SPATA2: variants seen among roughly 807,000 people sequenced by gnomAD.
SPATA2 encodes the protein spermatogenesis-associated protein 2.
In SPATA2, 8 loss-of-function variants were observed where a neutral mutation model predicts 35.4. That is an observed-to-expected ratio of 0.23 (90% CI 0.13 to 0.41). The LOEUF (loss-of-function observed/expected upper bound fraction) is 0.41, where lower values mean the gene tolerates loss of function less well. SPATA2 is among the 10% of genes least tolerant of loss of function. The pLI, the probability that SPATA2 is intolerant of heterozygous loss-of-function variation, is 1.00. For missense variants in SPATA2, 650 were observed against 698.7 expected, an observed-to-expected ratio of 0.93 and a Z score of 0.79; for synonymous variants, 293 against 300.9, an observed-to-expected ratio of 0.97 and a Z score of 0.27.
rs760448631 is a variant in SPATA2, at chr20:49,905,591, C to T, written c.*28G>A. 3.7e-6 allele frequency: 6 copies of T among 1,609,078 alleles called. No individual in the cohort carries two copies. The African/African-American group carries it at 6.7e-5, about 18-fold the overall frequency. ...AACCCGAAAGGTCGGTTGATGTAGC[C>T]CTTGGAGCTGGAAGGGGCGAGGCCG... On this transcript the variant is annotated 3_prime_UTR_variant, in exon 3 of 3. Coordinates refer to ENST00000289431, the MANE Select transcript of SPATA2 (RefSeq NM_006038.4).
At chr20:49,908,070 C>T in intron 2 of SPATA2, 85 bp downstream of exon 2, 1 of 1,322,324 alleles carries the variant, frequency 7.6e-7, no homozygotes, top group African/African-American at 1.5e-5. Flanking sequence ...TGGATGGGAT[C>T]AGACTGGCAT....
In SPATA2 at chr20:49,904,820, A is replaced by C. The variant is rs117048543; in HGVS notation, c.*799T>G. On this transcript the variant is annotated 3_prime_UTR_variant, in exon 3 of 3. Coordinates refer to ENST00000289431, the MANE Select transcript of SPATA2 (RefSeq NM_006038.4). Reference sequence around the variant, plus strand: ...ATAATTCATTTTTTTAACCACGTTGAAACACACAGCAAGTTGAATATTTAT... The same window carrying C: ...ATAATTCATTTTTTTAACCACGTTGCAACACACAGCAAGTTGAATATTTAT... The C allele has an allele frequency of 0.011, 1,634 of 152,776 alleles. 16 individuals are homozygous for C. The highest frequency in any genetic ancestry group is 0.018 in the Non-Finnish European group (1,209 of 68,024). 9.5% of individuals were successfully genotyped at this position (152,776 alleles called of 1,614,324 possible).
chr20:49,906,785 C>T lies in SPATA2; in HGVS notation c.397G>A (p.Ala133Thr), dbSNP rs2090148075. The change falls in exon 3 of 3, where the codon GCC becomes ACC. Residue 133 changes from alanine to threonine, a missense_variant. Physicochemically the swap from Ala to Thr is moderately conservative, Grantham distance 58. Coordinates refer to ENST00000289431, the MANE Select transcript of SPATA2 (RefSeq NM_006038.4). This position sits in a 1 kb window ranked among gnomAD's most constrained non-coding sequence, Gnocchi z 8.2. The part of the protein sequence containing the change: ...KSTLLEEDIR[A>T]ILSCMGYTPE... ...GTGTAGCCCATGCAGCTCAGGATGG[C>T]TCGGATGTCCTCTTCCAGTAATGTC... The T allele has an allele frequency of 1.9e-6, 3 of 1,613,778 alleles. No individual in the cohort carries two copies. The highest frequency in any genetic ancestry group is 2.5e-6 in the Non-Finnish European group (3 of 1,179,698).
At chr20:49,908,795 A>G (rs1037165304) in intron 1 of SPATA2, among the ~76,000 whole-genome samples, 2 of 152,212 alleles carry the variant, frequency 1.3e-5, no homozygotes, top group Non-Finnish European at 2.9e-5. Flanking sequence ...CAAATGAAAA[A>G]TACGATTAAT....
intron 2 of SPATA2, among the ~76,000 whole-genome samples, chr20:49,907,861 G>A (rs567222545): frequency 6.8e-4 from 93 of 136,782 alleles, no homozygotes; most frequent in Non-Finnish European, 9.6e-4. Context: ...ATGCAAGCCA[G>A]ATCCCACACT....
intron 1 of SPATA2, 146 bp downstream of exon 1, chr20:49,915,234 G>C (rs983127716): frequency 2.0e-5 from 3 of 152,478 alleles, no homozygotes; most frequent in African/African-American, 7.2e-5. Flanking sequence ...GGTCCCGGGA[G>C]CGCCGAAACA....
At position 49,905,579 on chromosome 20, in the gene SPATA2, G is replaced by A. The variant is rs140701865; in HGVS notation, c.*40C>T. Reference sequence around the variant, plus strand: ...TCTTCACCGTGAAACCCGAAAGGTCGGTTGATGTAGCCCTTGGAGCTGGAA... The same window carrying A: ...TCTTCACCGTGAAACCCGAAAGGTCAGTTGATGTAGCCCTTGGAGCTGGAA... On this transcript the variant is annotated 3_prime_UTR_variant, in exon 3 of 3. Coordinates refer to ENST00000289431, the MANE Select transcript of SPATA2 (RefSeq NM_006038.4). The A allele has an allele frequency of 4.5e-4, 718 of 1,600,848 alleles. 2 individuals are homozygous for A. Among genetic ancestry groups the A allele is most frequent in the South Asian group, 9.1e-4 (82 of 90,180 alleles).
intron 1 of SPATA2, among the ~76,000 whole-genome samples, chr20:49,912,939 C>CAAAAA (rs3092212): frequency 1.0e-5 from 1 of 98,716 alleles, no homozygotes. Flanking sequence ...TCCGTCTCTA[C>CAAAAA]AAAAAAAAAA....
rs775740036 is a variant in SPATA2 at position 49,905,689 on chromosome 20, A to G, written c.1493T>C (p.Leu498Pro). The stretch of plus-strand genomic sequence containing the variant: ...CTGGTTGTTGGGCATGAACTTGTGC[A>G]GCTCACTCTTTTTGTAGCAGGGGTC... Reference protein sequence around the residue: ...HYDPCYKKSELHKFMPNNQLN... With the variant: ...HYDPCYKKSEPHKFMPNNQLN... The change falls in exon 3 of 3, where the codon CTG becomes CCG. Residue 498 changes from leucine (L) to proline (P), a missense_variant. Transcript: ENST00000289431. The G allele has an allele frequency of 4.3e-6, 7 of 1,614,254 alleles. No homozygotes were observed. Among genetic ancestry groups the G allele is most frequent in the Non-Finnish European group, 5.9e-6 (7 of 1,180,048 alleles).
rs767492959 is a variant in SPATA2, at chr20:49,908,419, C to T, written c.72G>A (p.Glu24=). 23 of 1,613,238 alleles carry T rather than the reference C, an allele frequency of 1.4e-5. No individual in the cohort carries two copies. Among genetic ancestry groups the T allele is most frequent in the Admixed American group, 6.7e-5 (4 of 59,992 alleles). ...DLFRKYVQFH[E]SKVDTTTSRQ... ...TGCTGGTGGTGGTATCCACTTTGCTCTCATGGAACTGCACGTACTTCCGAA... is the reference window on the plus strand; with the variant it reads ...TGCTGGTGGTGGTATCCACTTTGCTTTCATGGAACTGCACGTACTTCCGAA... The change falls in exon 2 of 3, where the codon GAG becomes GAA. Residue 24 remains glutamate, a synonymous_variant. Coordinates refer to ENST00000289431, the MANE Select transcript of SPATA2 (RefSeq NM_006038.4).
intron 1 of SPATA2, 24 bp from the exon 2 acceptor site, chr20:49,908,616 A>G (rs965127724): frequency 2.4e-5 from 19 of 787,364 alleles, no homozygotes; most frequent in Non-Finnish European, 3.2e-5. Flanking sequence ...AACAAGAAGC[A>G]TGTCATTCCT....
Position 49,905,505 on chromosome 20 carries a change from T to C in SPATA2, c.*114A>G, listed in dbSNP as rs2090134972. 3 of 1,228,942 alleles carry C rather than the reference T, an allele frequency of 2.4e-6. No individual in the cohort carries two copies. The highest frequency in any genetic ancestry group is 1.5e-5 in the South Asian group (1 of 67,718). 76.1% of individuals were successfully genotyped at this position (1,228,942 alleles called of 1,614,324 possible). On this transcript the variant is annotated 3_prime_UTR_variant, in exon 3 of 3. Transcript: ENST00000289431. ...CAGCCAGCCCACGATCTCTGCCACCTACATGGTCAAGTGCAGGCCTCCGCC... is the reference window on the plus strand; with the variant it reads ...CAGCCAGCCCACGATCTCTGCCACCCACATGGTCAAGTGCAGGCCTCCGCC...
chr20:49,910,937 A>G (rs1263419329), intron 1 of SPATA2, among the ~76,000 whole-genome samples: 6 of 152,244 alleles, frequency 3.9e-5, no homozygotes, highest in Non-Finnish European at 5.9e-5. Flanking sequence ...TTTAGGGGCC[A>G]GGTGCGGGGG....
Position 49,905,698 on chromosome 20 carries a change from T to C in SPATA2, c.1484A>G (p.Lys495Arg), listed in dbSNP as rs1203492849. The C allele has an allele frequency of 1.9e-6, 3 of 1,614,272 alleles. No homozygotes were observed. The highest frequency in any genetic ancestry group is 4.5e-5 in the East Asian group (2 of 44,888). ...SAYHYDPCYKKSELHKFMPNN... is the reference protein window; with the variant it reads ...SAYHYDPCYKRSELHKFMPNN... ...GGGCATGAACTTGTGCAGCTCACTC[T>C]TTTTGTAGCAGGGGTCATAATGGTA... Residue 495 changes from lysine (K) to arginine (R), a missense_variant, in exon 3 of 3, where the codon AAG (lysine) becomes AGG (arginine). Lys to Arg is a conservative substitution (Grantham distance 26). Coordinates refer to ENST00000289431, the MANE Select transcript of SPATA2 (RefSeq NM_006038.4).
Position 49,905,327 on chromosome 20 carries a change from CAAAACAAAA to C in SPATA2, c.*283_*291del. ...GAAAAAACAAAACAACAAAACAAAA[CAAAACAAAA>C]CCCCAAAAAAAGAACCAACTGAACA... is the stretch of plus-strand genomic sequence containing the variant. On this transcript the variant is annotated 3_prime_UTR_variant, in exon 3 of 3. Coordinates refer to ENST00000289431, the MANE Select transcript of SPATA2 (RefSeq NM_006038.4). The C allele has an allele frequency of 2.3e-6, 1 of 428,074 alleles. No individual in the cohort carries two copies. The highest frequency in any genetic ancestry group is 4.2e-6 in the Non-Finnish European group (1 of 239,634). 26.5% of individuals were successfully genotyped at this position (428,074 alleles called of 1,614,324 possible). A position where few individuals can be genotyped will look rare whatever the true frequency, so the allele number is the denominator to read the frequency against.
In SPATA2 at chr20:49,906,971, G is replaced by T. The variant is rs894003665; in HGVS notation, c.337-126C>A. On this transcript the variant is annotated intron_variant, in intron 2 of 2. Coordinates refer to ENST00000289431, the MANE Select transcript of SPATA2 (RefSeq NM_006038.4). This position sits in a 1 kb window ranked among gnomAD's most constrained non-coding sequence, Gnocchi z 8.2. ...GCGGGGAGAGGGCAGGGCAGGGAAG[G>T]ATCTCGACAGCCTCACCCTGCGGGA... 4 of 1,029,338 alleles carry T rather than the reference G, an allele frequency of 3.9e-6. No homozygotes were observed. The African/African-American group carries it at 4.9e-5, about 13-fold the overall frequency. The allele number at this position is 1,029,338 out of a possible 1,614,324, so 63.8% of individuals were successfully genotyped here. A position where few individuals can be genotyped will look rare whatever the true frequency, so the allele number is the denominator to read the frequency against.
chr20:49,908,328 C>T lies in SPATA2; in HGVS notation c.163G>A (p.Val55Met). Residue 55 changes from valine (V) to methionine (M), a missense_variant, in exon 2 of 3, where the codon GTG becomes ATG. Val to Met is a conservative substitution (Grantham distance 21). Transcript: ENST00000289431. ...AASTLLSLHK[V>M]DPFYRFRLIQ... is the part of the protein sequence containing the mutation. ...AGCCGGAATCGATAAAAGGGATCCA[C>T]CTTGTGCAGGCTGAGCAGGGTTGAG... is the stretch of plus-strand genomic sequence containing the variant. The T allele has an allele frequency of 5.0e-6, 8 of 1,614,282 alleles. No homozygotes were observed. Among genetic ancestry groups the T allele is most frequent in the Non-Finnish European group, 6.8e-6 (8 of 1,180,056 alleles).
chr20:49,909,067 G>T (rs1170962345), intron 1 of SPATA2, among the ~76,000 whole-genome samples: 2 of 152,150 alleles, frequency 1.3e-5, no homozygotes, highest in Non-Finnish European at 2.9e-5. Context: ...CTGTAGCCCA[G>T]GCTGGAGTGC....
At chr20:49,909,224 T>C (rs1391223249) in intron 1 of SPATA2, among the ~76,000 whole-genome samples, 3 of 152,074 alleles carry the variant, frequency 2.0e-5, no homozygotes, top group Non-Finnish European at 4.4e-5. Context: ...GGTTTCACCA[T>C]GTTGGCCAGG....
Sources: gnomAD v4.1 joint callset for allele counts (sites outside exome capture counted in the v4.1 genomes callset) on GRCh38, gnomAD v4.1.1 for gene constraint, Gnocchi (gnomAD v3.1) non-coding constraint, MANE v1.5 for transcripts, NCBI Gene and HGNC (gene_info 2026-07-23, HGNC 2026-07-21) for gene names.